GRM2: variants seen among roughly 807,000 people sequenced by gnomAD.
The protein encoded by GRM2 is metabotropic glutamate receptor 2.
Under a neutral mutation model 60.4 loss-of-function variants are expected in GRM2, and 35 were observed. The ratio of observed to expected loss-of-function variants is 0.58; its 90% confidence interval spans 0.44 to 0.77. The LOEUF (loss-of-function observed/expected upper bound fraction) is 0.77. GRM2 is among the 30% of genes least tolerant of loss of function. The pLI is 0.00. For synonymous variants in GRM2, 437 were observed against 484.1 expected, an observed-to-expected ratio of 0.90 and a Z score of 1.28; for missense variants, 925 against 1,199.5, an observed-to-expected ratio of 0.77 and a Z score of 3.38.
rs1703852865 is a variant in GRM2, at chr3:51,715,270, C to G, written c.1497C>G (p.Arg499=). Residue 499 remains arginine (R), a synonymous_variant, in exon 4 of 6, where the codon CGC becomes CGG. Transcript: ENST00000395052. This position sits in a 1 kb window ranked among gnomAD's most constrained non-coding sequence, Gnocchi z 9.0. ...SPSAGPLPAS[R]CSEPCLQNEV... ...CAGCCGGCCCCCTGCCCGCCTCTCG[C>G]TGCAGTGAGCCCTGCCTCCAGAATG... The G allele has an allele frequency of 6.2e-7, 1 of 1,609,604 alleles. No individual in the cohort carries two copies. The highest frequency in any genetic ancestry group is 8.5e-7 in the Non-Finnish European group (1 of 1,177,372).
At chr3:51,710,609 G>A (rs1012606547) in intron 2 of GRM2, among the ~76,000 whole-genome samples, 5 of 141,404 alleles carry the variant, frequency 3.5e-5, no homozygotes, top group Non-Finnish European at 1.5e-5. Flanking sequence ...AGGGGAGTCA[G>A]AAGGAAGATA....
At chr3:51,711,931 G>A (rs1703723254) in intron 2 of GRM2, among the ~76,000 whole-genome samples, 2 of 152,228 alleles carry the variant, frequency 1.3e-5, no homozygotes, top group African/African-American at 2.4e-5. Context: ...GTGGTAGAAC[G>A]TTTAAGACTC....
chr3:51,712,888 T>A lies in GRM2; in HGVS notation c.866T>A (p.Phe289Tyr), dbSNP rs1223290687. 6.2e-7 allele frequency: 1 copy of A among 1,613,022 alleles called. No individual in the cohort carries two copies. The highest frequency in any genetic ancestry group is 8.5e-7 in the Non-Finnish European group (1 of 1,180,016). Residue 289 changes from phenylalanine to tyrosine, a missense_variant, in exon 3 of 6, where the codon TTC (phenylalanine) becomes TAC (tyrosine). Coordinates refer to ENST00000395052, the MANE Select transcript of GRM2 (RefSeq NM_000839.5). This position sits in a 1 kb window ranked among gnomAD's most constrained non-coding sequence, Gnocchi z 5.3. ...GCCAGCCAGCGCCTCAATGCCAGCT[T>A]CACCTGGGTGGCCAGTGATGGTTGG... ...LAASQRLNAS[F>Y]TWVASDGWGA...
chr3:51,715,505 G>T lies in GRM2; in HGVS notation c.1732G>T (p.Gly578Cys). ...GGGACCTGTCACCATCGCCTGCCTC[G>T]GTGCCCTGGCCACCCTCTTTGTGCT... ...AVGPVTIACL[G>C]ALATLFVLGV... is the part of the protein sequence containing the mutation. The change falls in exon 4 of 6, where the codon GGT (glycine) becomes TGT (cysteine). Residue 578 changes from glycine to cysteine, a missense_variant. Coordinates refer to ENST00000395052, the MANE Select transcript of GRM2 (RefSeq NM_000839.5). This position sits in a 1 kb window ranked among gnomAD's most constrained non-coding sequence, Gnocchi z 9.0. The T allele has an allele frequency of 6.2e-7, 1 of 1,613,106 alleles. No homozygotes were observed.
chr3:51,715,082 A>C lies in GRM2; in HGVS notation c.1309A>C (p.Thr437Pro). 6.4e-7 allele frequency: 1 copy of C among 1,554,512 alleles called. No homozygotes were observed. The highest frequency in any genetic ancestry group is 1.9e-5 in the Admixed American group (1 of 53,702). ...KFDAPFRPAD[T>P]HNEVRFDRFG... ...CCTAGCCCCCTTTCGCCCAGCTGAC[A>C]CCCACAATGAGGTCCGCTTTGACCG... The change falls in exon 4 of 6, where the codon ACC (threonine) becomes CCC (proline). Residue 437 changes from threonine to proline, a missense_variant. By Grantham distance (38) the Thr-to-Pro change is conservative. Transcript: ENST00000395052. This position sits in a 1 kb window ranked among gnomAD's most constrained non-coding sequence, Gnocchi z 9.0.
rs747176981 is a variant in GRM2, at chr3:51,715,945, C to T, written c.2172C>T (p.Arg724=). 5.0e-6 allele frequency: 8 copies of T among 1,613,922 alleles called. No individual in the cohort carries two copies. The highest frequency in any genetic ancestry group is 1.3e-5 in the African/African-American group (1 of 74,928). The change falls in exon 4 of 6, where the codon CGC becomes CGT. Residue 724 remains arginine, a synonymous_variant. Transcript: ENST00000395052. The surrounding 1 kb of genome is among the most constrained non-coding windows in gnomAD (Gnocchi z 9.0). ...TGGTGACACTGCGCTGCAACCACCG[C>T]GATGCAAGTATGTTGGGCTCGCTGG... ...REVVTLRCNH[R]DASMLGSLAY...
rs764524055 is a variant in GRM2 at position 51,718,029 on chromosome 3, C to T, written c.2546-10C>T. On this transcript the variant is annotated splice_polypyrimidine_tract_variant and intron_variant, in intron 5 of 5. Transcript: ENST00000395052. The surrounding 1 kb of genome is among the most constrained non-coding windows in gnomAD (Gnocchi z 4.2). The stretch of plus-strand genomic sequence containing the variant: ...GGGATTGGCCCCAACCTCTGGCTTC[C>T]TTTTCTTAGGGTCTGGCTCCCAGTT... 6.2e-6 allele frequency: 10 copies of T among 1,613,928 alleles called. No individual in the cohort carries two copies. Among genetic ancestry groups the T allele is most frequent in the Non-Finnish European group, 8.5e-6 (10 of 1,179,788 alleles).
At position 51,712,541 on chromosome 3, in the gene GRM2, T is replaced by C; in HGVS notation, c.519T>C (p.Ser173=). ...ISYASTSAKL[S]DKSRYDYFAR... is the part of the protein sequence containing the mutation. ...ACGCCTCTACCAGTGCCAAGCTGAG[T>C]GACAAGTCCCGCTATGACTACTTTG... Residue 173 remains serine (S), a synonymous_variant, in exon 3 of 6, where the codon AGT becomes AGC. Coordinates refer to ENST00000395052, the MANE Select transcript of GRM2 (RefSeq NM_000839.5). This position sits in a 1 kb window ranked among gnomAD's most constrained non-coding sequence, Gnocchi z 5.3. The C allele has an allele frequency of 6.2e-7, 1 of 1,614,132 alleles. No individual in the cohort carries two copies. The highest frequency in any genetic ancestry group is 8.5e-7 in the Non-Finnish European group (1 of 1,180,030).
In GRM2 at chr3:51,715,679, C is replaced by T. The variant is rs745726555; in HGVS notation, c.1906C>T (p.Arg636Cys). 9 of 1,614,138 alleles carry T rather than the reference C, an allele frequency of 5.6e-6. No homozygotes were observed. Among genetic ancestry groups the T allele is most frequent in the Admixed American group, 1.7e-5 (1 of 60,016 alleles). The change falls in exon 4 of 6, where the codon CGT becomes TGT. Residue 636 changes from arginine to cysteine, a missense_variant. Arg to Cys is a radical substitution (Grantham distance 180). Transcript: ENST00000395052. This position sits in a 1 kb window ranked among gnomAD's most constrained non-coding sequence, Gnocchi z 9.0. ...ATCCACGGCAGTGTGTACCTTACGG[C>T]GTCTTGGTTTGGGCACTGCCTTCTC... ...KPSTAVCTLR[R>C]LGLGTAFSVC...
rs764159304 is a variant in GRM2, at chr3:51,712,749, C to A, written c.727C>A (p.Arg243Ser). ...TGTGGCCACCTCGGAGAAAGTGGGC[C>A]GTGCCATGAGCCGCGCGGCCTTTGA... ...ICVATSEKVGRAMSRAAFEGV... is the reference protein window; with the variant it reads ...ICVATSEKVGSAMSRAAFEGV... The change falls in exon 3 of 6, where the codon CGT (arginine) becomes AGT (serine). Residue 243 changes from arginine to serine, a missense_variant. By Grantham distance (110) the Arg-to-Ser change is moderately radical. Transcript: ENST00000395052. The surrounding 1 kb of genome is among the most constrained non-coding windows in gnomAD (Gnocchi z 5.3). 1 of 1,613,502 alleles carries A rather than the reference C, an allele frequency of 6.2e-7. No individual in the cohort carries two copies.
At chr3:51,714,698 T>C (rs569276106) in intron 3 of GRM2, 3 of 191,868 alleles carry the variant, frequency 1.6e-5, no homozygotes, top group South Asian at 3.2e-4. Context: ...TATGTTTCGA[T>C]GAAGTTGGGA....
Position 51,710,781 on chromosome 3 carries a change from G to A in GRM2, c.450+1348G>A, listed in dbSNP as rs1703686034. Among the ~76,000 whole-genome samples the A allele has an allele frequency of 2.6e-5, 4 of 152,204 alleles. No individual in the cohort carries two copies. In the South Asian group the frequency reaches 8.3e-4, roughly 31 times the overall value. ...TGGCTCAGCTTCAGCAGAGGCTGCT[G>A]GCCCTGCTGACACCCCTCTGCTGCT... On this transcript the variant is annotated intron_variant, in intron 2 of 5. Transcript: ENST00000395052.
rs774155600 is a variant in GRM2, at chr3:51,715,279, G to C, written c.1506G>C (p.Glu502Asp). The change falls in exon 4 of 6, where the codon GAG becomes GAC. Residue 502 changes from glutamate to aspartate, a missense_variant. Physicochemically the swap from Glu to Asp is conservative, Grantham distance 45 (BLOSUM62 2). Transcript: ENST00000395052. This position sits in a 1 kb window ranked among gnomAD's most constrained non-coding sequence, Gnocchi z 9.0. ...AGPLPASRCS[E>D]PCLQNEVKSV... ...CCCTGCCCGCCTCTCGCTGCAGTGA[G>C]CCCTGCCTCCAGAATGAGGTGAAGA... is the stretch of plus-strand genomic sequence containing the variant. 1.9e-6 allele frequency: 3 copies of C among 1,610,938 alleles called. No individual in the cohort carries two copies. The East Asian group carries it at 6.7e-5, about 36-fold the overall frequency.
chr3:51,710,451 A>G (rs1304951703), intron 2 of GRM2, among the ~76,000 whole-genome samples: 1 of 152,130 alleles, frequency 6.6e-6, no homozygotes, highest in Non-Finnish European at 1.5e-5. Flanking sequence ...GCTCAGAGAG[A>G]GGTGGGCCAC....
At position 51,716,922 on chromosome 3, in the gene GRM2, A is replaced by G. The variant is rs1703918397; in HGVS notation, c.2365-715A>G. ...TTCCCCAGGACAGAGGTGTGGTGGC[A>G]CAGTGCTGGGGGCCAGGGACCGCTG... On this transcript the variant is annotated intron_variant, in intron 4 of 5. Transcript: ENST00000395052. The surrounding 1 kb of genome is among the most constrained non-coding windows in gnomAD (Gnocchi z 4.0). Among the ~76,000 whole-genome samples the G allele has an allele frequency of 6.6e-6, 1 of 152,180 alleles. No homozygotes were observed. The highest frequency in any genetic ancestry group is 1.5e-5 in the Non-Finnish European group (1 of 68,028).
rs1465434404 is a variant in GRM2, at chr3:51,709,058, G to A, written c.75G>A (p.Val25=). The A allele has an allele frequency of 1.9e-6, 3 of 1,606,358 alleles. No homozygotes were observed. Among genetic ancestry groups the A allele is most frequent in the East Asian group, 2.2e-5 (1 of 44,630 alleles). ...TGGCTGAGGGCCCAGCCAAGAAGGT[G>A]CTGACCCTGGAGGGAGACTTGGTGC... The part of the protein sequence containing the change: ...GAVAEGPAKK[V]LTLEGDLVLG... Residue 25 remains valine (V), a synonymous_variant, in exon 2 of 6, where the codon GTG becomes GTA. Coordinates refer to ENST00000395052, the MANE Select transcript of GRM2 (RefSeq NM_000839.5).
At position 51,713,330 on chromosome 3, in the gene GRM2, T is replaced by G; in HGVS notation, c.1288+20T>G. ...TTGATGGTAATGGTGTTGGCCAGTGTCCATTGGCCTGCTGGCTGTCAGAGG... is the reference window on the plus strand; with the variant it reads ...TTGATGGTAATGGTGTTGGCCAGTGGCCATTGGCCTGCTGGCTGTCAGAGG... On this transcript the variant is annotated intron_variant, in intron 3 of 5. Coordinates refer to ENST00000395052, the MANE Select transcript of GRM2 (RefSeq NM_000839.5). This position sits in a 1 kb window ranked among gnomAD's most constrained non-coding sequence, Gnocchi z 4.8. 6.7e-7 allele frequency: 1 copy of G among 1,486,192 alleles called. No individual in the cohort carries two copies. The highest frequency in any genetic ancestry group is 9.3e-7 in the Non-Finnish European group (1 of 1,077,496). The allele number at this position is 1,486,192 out of a possible 1,614,324, so 92.1% of individuals were successfully genotyped here.
rs1703779999 is a variant in GRM2, at chr3:51,713,170, A to G, written c.1148A>G (p.Asn383Ser). ...EQESKIMFVV[N>S]AVYAMAHALH... The stretch of plus-strand genomic sequence containing the variant: ...GAGTCCAAGATCATGTTTGTGGTCA[A>G]TGCAGTGTACGCCATGGCCCATGCG... Residue 383 changes from asparagine (N) to serine (S), a missense_variant, in exon 3 of 6, where the codon AAT (asparagine) becomes AGT (serine). By Grantham distance (46) the Asn-to-Ser change is conservative. Transcript: ENST00000395052. This position sits in a 1 kb window ranked among gnomAD's most constrained non-coding sequence, Gnocchi z 4.8. 8 of 1,613,164 alleles carry G rather than the reference A, an allele frequency of 5.0e-6. No homozygotes were observed. Among genetic ancestry groups the G allele is most frequent in the Non-Finnish European group, 5.9e-6 (7 of 1,180,014 alleles).
chr3:51,714,973 C>A, intron 3 of GRM2, 89 bp from the exon 4 acceptor site: 1 of 754,814 alleles, frequency 1.3e-6, no homozygotes, highest in Non-Finnish European at 2.2e-6. Flanking sequence ...TTAGCTCTGG[C>A]ATTTGGGTTC....
Sources: gnomAD v4.1 joint callset for allele counts (sites outside exome capture counted in the v4.1 genomes callset) on GRCh38, gnomAD v4.1.1 for gene constraint, Gnocchi (gnomAD v3.1) non-coding constraint, MANE v1.5 for transcripts, NCBI Gene and HGNC (gene_info 2026-07-23, HGNC 2026-07-21) for gene names.